The following ANKRD44 variants were observed in gnomAD, a reference collection of about 807,000 sequenced individuals.
ANKRD44 encodes serine/threonine-protein phosphatase 6 regulatory ankyrin repeat subunit B.
In ANKRD44, 35 loss-of-function variants were observed where a neutral mutation model predicts 116.0. That is an observed-to-expected ratio of 0.30 (90% confidence interval 0.23 to 0.40). ANKRD44 has a LOEUF of 0.40. Among genes scored for constraint, ANKRD44 ranks in the 10% least tolerant of loss-of-function variants. The pLI is 1.00. For synonymous variants in ANKRD44, 435 were observed against 461.8 expected (o/e 0.94, Z 0.74); for missense variants, 1,014 against 1,242.6 (o/e 0.82, Z 2.77).
At chr2:197,071,503 T>C (rs1208547830) in intron 16 of ANKRD44, among the ~76,000 whole-genome samples, 1 of 152,178 alleles carries the variant, frequency 6.6e-6, no homozygotes, top group East Asian at 1.9e-4. Context: ...GAGATTTTCC[T>C]GGTATCTTTC....
intron 21 of ANKRD44, chr2:196,967,538 GT>G: frequency 2.4e-6 from 1 of 413,010 alleles, no homozygotes; most frequent in South Asian, 1.7e-5. Flanking sequence ...GTGCAATTAT[GT>G]TAATTTTCTC....
At chr2:197,272,472 G>C (rs2082926856) in intron 1 of ANKRD44, among the ~76,000 whole-genome samples, 1 of 152,170 alleles carries the variant, frequency 6.6e-6, no homozygotes, top group Admixed American at 6.5e-5. Flanking sequence ...TCCTGACCTT[G>C]TGATCCGCCC....
intron 16 of ANKRD44, among the ~76,000 whole-genome samples, chr2:197,026,843 G>A (rs144583236): frequency 5.7e-4 from 86 of 152,142 alleles, no homozygotes; most frequent in African/African-American, 2.0e-3. Flanking sequence ...TTGGATTGTG[G>A]ATATTTTTGG....
At chr2:197,213,612 C>T (rs548337347) in intron 1 of ANKRD44, among the ~76,000 whole-genome samples, 2 of 152,286 alleles carry the variant, frequency 1.3e-5, no homozygotes, top group East Asian at 3.9e-4. Flanking sequence ...TCTTATCATG[C>T]CACAATTATC....
chr2:197,044,354 T>C (rs780722384), intron 16 of ANKRD44, among the ~76,000 whole-genome samples: 2 of 152,124 alleles, frequency 1.3e-5, no homozygotes, highest in South Asian at 4.1e-4. Flanking sequence ...CTGGCATTTA[T>C]TTATGATGGT....
At chr2:197,023,785 G>T (rs933634128) in intron 17 of ANKRD44, among the ~76,000 whole-genome samples, 8 of 152,188 alleles carry the variant, frequency 5.3e-5, no homozygotes, top group Admixed American at 4.6e-4. Context: ...CACAGCAGAT[G>T]GTTGGGCAGG....
chr2:197,255,918 C>G (rs1341685674), intron 1 of ANKRD44, among the ~76,000 whole-genome samples: 2 of 152,184 alleles, frequency 1.3e-5, no homozygotes, highest in Admixed American at 6.5e-5. Flanking sequence ...ATTGCAGGAG[C>G]CTTTGAAAAG....
At chr2:197,285,718 G>T (rs1033184846) in intron 1 of ANKRD44, among the ~76,000 whole-genome samples, 2 of 152,040 alleles carry the variant, frequency 1.3e-5, no homozygotes, top group Non-Finnish European at 2.9e-5. Context: ...ATAAACCTTG[G>T]TTGGACAGAT....
intron 2 of ANKRD44, among the ~76,000 whole-genome samples, chr2:197,172,188 A>G (rs2080254366): frequency 6.6e-6 from 1 of 151,690 alleles, no homozygotes; most frequent in South Asian, 2.1e-4. Flanking sequence ...TTTAGTAGAG[A>G]GGGGGGCTTC....
intron 21 of ANKRD44, among the ~76,000 whole-genome samples, chr2:196,972,111 G>A (rs77739219): frequency 0.039 from 5,884 of 152,276 alleles, 154 homozygotes; most frequent in Middle Eastern, 0.099. Context: ...GAGGATAGGA[G>A]TAGGAAGACA....
At chr2:197,183,834 C>T (rs1281310830) in intron 2 of ANKRD44, among the ~76,000 whole-genome samples, 1 of 152,174 alleles carries the variant, frequency 6.6e-6, no homozygotes, top group East Asian at 1.9e-4. Flanking sequence ...TCCCTCCATC[C>T]CCTGCTTATC....
intron 1 of ANKRD44, among the ~76,000 whole-genome samples, chr2:197,216,921 AG>A (rs2081459679): frequency 6.6e-6 from 1 of 151,110 alleles, no homozygotes; most frequent in Non-Finnish European, 1.5e-5. Flanking sequence ...AAAAACACAC[AG>A]AAAATCACTC....
At chr2:197,246,298 C>T (rs1021699575) in intron 1 of ANKRD44, among the ~76,000 whole-genome samples, 6 of 149,560 alleles carry the variant, frequency 4.0e-5, no homozygotes, top group Admixed American at 1.3e-4. Context: ...GTGATACTCC[C>T]GTCTCAGCCT....
At chr2:197,107,279 T>A (rs2078453804) in intron 9 of ANKRD44, among the ~76,000 whole-genome samples, 1 of 152,194 alleles carries the variant, frequency 6.6e-6, no homozygotes, top group Non-Finnish European at 1.5e-5. Context: ...CTTTTCAAAC[T>A]CTATTTATTT....
chr2:197,147,765 G>C, intron 2 of ANKRD44: 1 of 388,064 alleles, frequency 2.6e-6, no homozygotes, highest in Non-Finnish European at 5.1e-6. Context: ...ATACACATGA[G>C]ATTATTTCAG....
intron 16 of ANKRD44, among the ~76,000 whole-genome samples, chr2:197,065,092 C>T (rs1256002572): frequency 6.6e-6 from 1 of 152,118 alleles, no homozygotes; most frequent in Non-Finnish European, 1.5e-5. Context: ...ACAGAAATTC[C>T]ATCAAACTGT....
At chr2:197,286,359 A>G (rs1451231316) in intron 1 of ANKRD44, among the ~76,000 whole-genome samples, 1 of 147,470 alleles carries the variant, frequency 6.8e-6, no homozygotes, top group African/African-American at 2.5e-5. Flanking sequence ...TTTTTTACCT[A>G]CTTCTTCTAC....
Position 197,279,585 on chromosome 2 carries a change from T to C in ANKRD44, c.27+30993A>G, listed in dbSNP as rs6714572. ...GCTCCAGCCAAGCTGCTCGCTTCACTGTTCCTGGAAGCCCTTTGCAAGGCT... is the reference window on the plus strand; with the variant it reads ...GCTCCAGCCAAGCTGCTCGCTTCACCGTTCCTGGAAGCCCTTTGCAAGGCT... On this transcript the variant is annotated intron_variant, in intron 1 of 27. Coordinates refer to ENST00000282272, the MANE Select transcript of ANKRD44 (RefSeq NM_001195144.2). 4.3e-3 allele frequency among the ~76,000 whole-genome samples: 658 copies of C among 152,308 alleles called. 4 individuals carry two copies. The highest frequency in any genetic ancestry group is 0.015 in the African/African-American group (627 of 41,572).
intron 10 of ANKRD44, among the ~76,000 whole-genome samples, chr2:197,096,679 G>C (rs1330965014): frequency 6.6e-6 from 1 of 152,000 alleles, no homozygotes; most frequent in South Asian, 2.1e-4. Context: ...AATGAAAATG[G>C]GTTCTTTTCA....
Sources: allele counts gnomAD v4.1 joint callset (sites outside exome capture counted in the v4.1 genomes callset), GRCh38; gene constraint gnomAD v4.1.1; transcripts MANE v1.5; gene names NCBI Gene and HGNC (gene_info 2026-07-23, HGNC 2026-07-21).